TMEM132C: variants seen among roughly 807,000 people sequenced by gnomAD.
The protein encoded by TMEM132C is transmembrane protein 132C.
In TMEM132C, 29 loss-of-function variants were observed where a neutral mutation model predicts 61.4. The observed-to-expected ratio is 0.47, with a 90% CI of 0.35 to 0.64. The LOEUF (loss-of-function observed/expected upper bound fraction) is 0.64, where lower values mean the gene tolerates loss of function less well. Ranked by LOEUF, TMEM132C falls within the 30% of genes least tolerant of loss-of-function variation. TMEM132C has a pLI of 0.00. For missense variants in TMEM132C, 1,408 were observed against 1,476.9 expected, an observed-to-expected ratio of 0.95 and a Z score of 0.76; for synonymous variants, 656 against 633.1, an observed-to-expected ratio of 1.04 and a Z score of -0.54.
At chr12:128,386,132 C>T (rs960900712) in intron 1 of TMEM132C, among the ~76,000 whole-genome samples, 2 of 152,174 alleles carry the variant, frequency 1.3e-5, no homozygotes, top group African/African-American at 2.4e-5. Flanking sequence ...AAGTGCCTCC[C>T]CATCAGAACT....
chr12:128,402,638 T>C (rs888662584), intron 1 of TMEM132C, among the ~76,000 whole-genome samples: 2 of 148,504 alleles, frequency 1.3e-5, no homozygotes, highest in African/African-American at 2.4e-5. Flanking sequence ...CGGACCTCGG[T>C]TCCAAGCCAC....
At chr12:128,312,666 G>T (rs538191911) in intron 1 of TMEM132C, among the ~76,000 whole-genome samples, 1 of 152,294 alleles carries the variant, frequency 6.6e-6, no homozygotes, top group East Asian at 1.9e-4. Context: ...ATCAGGAACT[G>T]GGAGACTCAT....
intron 2 of TMEM132C, among the ~76,000 whole-genome samples, chr12:128,466,662 C>T (rs1284951620): frequency 2.0e-5 from 3 of 152,158 alleles, no homozygotes; most frequent in Admixed American, 6.5e-5. Flanking sequence ...CTCCTGAGTA[C>T]GTGCCACCAT....
In TMEM132C at chr12:128,396,799, G is replaced by A. The variant is rs530120652; in HGVS notation, c.86-17933G>A. Among the ~76,000 whole-genome samples the A allele has an allele frequency of 2.7e-3, 406 of 152,276 alleles. 1 individual carries two copies. The highest frequency in any genetic ancestry group is 9.3e-3 in the African/African-American group (387 of 41,546). ...TGATTGGAGCCCGGTGGGCTGGCCC[G>A]GAGCTGCCCTCTCCACAGAGCCCTA... On this transcript the variant is annotated intron_variant, in intron 1 of 8. Transcript: ENST00000435159.
At chr12:128,323,749 C>A (rs777957100) in intron 1 of TMEM132C, among the ~76,000 whole-genome samples, 2 of 152,144 alleles carry the variant, frequency 1.3e-5, no homozygotes, top group Non-Finnish European at 2.9e-5. Flanking sequence ...TGGAGGGAGC[C>A]GGGAAGCAGC....
At chr12:128,663,225 G>A (rs575493887) in intron 4 of TMEM132C, among the ~76,000 whole-genome samples, 2 of 152,174 alleles carry the variant, frequency 1.3e-5, no homozygotes, top group Admixed American at 6.5e-5. Context: ...AGGAGACGTC[G>A]TACCCATTAC....
rs774995217 is a variant in TMEM132C, at chr12:128,517,192, C to T, written c.975-26765C>T. ...GTTGCAGTGAGGCGAGATCACACCA[C>T]GGCACTCCAGCCTGAGTGACAAAGC... On this transcript the variant is annotated intron_variant, in intron 2 of 8. Transcript: ENST00000435159. Among the ~76,000 whole-genome samples, 26 of 151,820 alleles carry T rather than the reference C, an allele frequency of 1.7e-4. No homozygotes were observed. In the South Asian group the frequency reaches 3.5e-3, roughly 21 times the overall value.
chr12:128,335,238 A>G (rs112651704), intron 1 of TMEM132C, among the ~76,000 whole-genome samples: 18 of 152,346 alleles, frequency 1.2e-4, no homozygotes, highest in African/African-American at 4.3e-4. Flanking sequence ...GATAGGGGAT[A>G]GATTTATGAT....
At chr12:128,637,384 C>T (rs1022142630) in intron 4 of TMEM132C, among the ~76,000 whole-genome samples, 1 of 152,188 alleles carries the variant, frequency 6.6e-6, no homozygotes, top group African/African-American at 2.4e-5. Context: ...AAGTCATTCA[C>T]CCAAAAATCA....
At chr12:128,465,406 G>A (rs1374778343) in intron 2 of TMEM132C, among the ~76,000 whole-genome samples, 5 of 152,028 alleles carry the variant, frequency 3.3e-5, no homozygotes, top group African/African-American at 1.2e-4. Flanking sequence ...TTGCCATGTT[G>A]GCCAGGTTGG....
chr12:128,697,320 G>C lies in TMEM132C; in HGVS notation c.2026G>C (p.Ala676Pro). Residue 676 changes from alanine (A) to proline (P), a missense_variant, in exon 8 of 9, where the codon GCT (alanine) becomes CCT (proline). Transcript: ENST00000435159. ...SVTDLAIQLV[A>P]GLSVALYPNA... ...GACAGACTTGGCCATCCAGCTCGTG[G>C]CTGGGCTGTCTGTCGCCCTTTACCC... is the stretch of plus-strand genomic sequence containing the variant. 1 of 1,551,344 alleles carries C rather than the reference G, an allele frequency of 6.4e-7. No homozygotes were observed. Among genetic ancestry groups the C allele is most frequent in the Non-Finnish European group, 8.7e-7 (1 of 1,146,710 alleles).
At chr12:128,681,817 A>ATT (rs35154554) in intron 5 of TMEM132C, among the ~76,000 whole-genome samples, 5,106 of 86,490 alleles carry the variant, frequency 0.059, 276 homozygotes, top group African/African-American at 0.096. Flanking sequence ...CCACGCCTGG[A>ATT]TTTTTTTTTT....
intron 4 of TMEM132C, among the ~76,000 whole-genome samples, chr12:128,636,228 T>C (rs115773205): frequency 6.6e-6 from 1 of 151,596 alleles, no homozygotes; most frequent in African/African-American, 2.4e-5. Flanking sequence ...TTTTTTAAAA[T>C]TTTTTTTAGA....
At chr12:128,604,325 C>T (rs1245689739) in intron 3 of TMEM132C, among the ~76,000 whole-genome samples, 1 of 149,492 alleles carries the variant, frequency 6.7e-6, no homozygotes, top group Non-Finnish European at 1.5e-5. Context: ...GATAGATGGA[C>T]GTGTGGATAG....
intron 2 of TMEM132C, among the ~76,000 whole-genome samples, chr12:128,500,725 A>T (rs1872142934): frequency 6.6e-6 from 1 of 152,216 alleles, no homozygotes; most frequent in South Asian, 2.1e-4. Context: ...TACATTGATG[A>T]TGAGAATGTA....
At chr12:128,282,539 A>G (rs10773519) in intron 1 of TMEM132C, among the ~76,000 whole-genome samples, 76,070 of 151,830 alleles carry the variant, frequency 0.5, 19,324 homozygotes, top group African/African-American at 0.59. Context: ...GAAAGCCACT[A>G]CCCCCCTCCT....
chr12:128,574,360 T>G (rs951766533), intron 3 of TMEM132C, among the ~76,000 whole-genome samples: 4 of 152,264 alleles, frequency 2.6e-5, no homozygotes, highest in African/African-American at 9.6e-5. Context: ...GGGTACTGGC[T>G]GAAGCGCTTC....
intron 3 of TMEM132C, among the ~76,000 whole-genome samples, chr12:128,578,345 T>C (rs558198479): frequency 6.6e-6 from 1 of 152,292 alleles, no homozygotes; most frequent in South Asian, 2.1e-4. Context: ...TCAACATGGA[T>C]TCTCAATTCC....
rs1875185717 is a variant in TMEM132C, at chr12:128,402,234, T to C, written c.86-12498T>C. ...ACACTTCAGGGTTTTTTTGTTTGTT[T>C]GTTTTAGCTTTTATTTTAAGTTCAT... is the stretch of plus-strand genomic sequence containing the variant. On this transcript the variant is annotated intron_variant, in intron 1 of 8. Transcript: ENST00000435159. Among the ~76,000 whole-genome samples the C allele has an allele frequency of 1.1e-4, 17 of 152,192 alleles. 1 individual carries two copies. The highest frequency in any genetic ancestry group is 1.1e-3 in the Admixed American group (17 of 15,284).
Sources: gnomAD v4.1 joint callset for allele counts (sites outside exome capture counted in the v4.1 genomes callset) on GRCh38, gnomAD v4.1.1 for gene constraint, MANE v1.5 for transcripts, NCBI Gene and HGNC (gene_info 2026-07-23, HGNC 2026-07-21) for gene names.